SLC4A5: variants seen among roughly 807,000 people sequenced by gnomAD.
The protein encoded by SLC4A5 is electrogenic sodium bicarbonate cotransporter 4.
In SLC4A5, 96 loss-of-function variants were observed where a neutral mutation model predicts 120.4. The ratio of observed to expected loss-of-function variants is 0.80; its 90% CI spans 0.68 to 0.94. The LOEUF (loss-of-function observed/expected upper bound fraction) is 0.94. Ranked by LOEUF, SLC4A5 falls within the 40% of genes least tolerant of loss-of-function variation. The probability of loss-of-function intolerance (pLI) is 0.00; values close to 1 mark genes in which losing one functional copy is unlikely to be tolerated. For missense variants in SLC4A5, 1,259 were observed against 1,459.5 expected, an observed-to-expected ratio of 0.86 and a Z score of 2.24; for synonymous variants, 550 against 571.1, an observed-to-expected ratio of 0.96 and a Z score of 0.53.
intron 5 of SLC4A5, among the ~76,000 whole-genome samples, chr2:74,323,595 G>A (rs1673145906): frequency 6.6e-6 from 1 of 152,068 alleles, no homozygotes; most frequent in South Asian, 2.1e-4. Context: ...AAAATGAAAT[G>A]TAAAAGATTT....
In SLC4A5 at chr2:74,253,831, C is replaced by T. The variant is rs138985947; in HGVS notation, c.1114-703G>A. ...AATGAATCTTAGGCCAAAAACTGTT[C>T]GAGAATGATGTTAGCATCACTCGTA... On this transcript the variant is annotated intron_variant, in intron 14 of 30. Coordinates refer to ENST00000394019, the Ensembl canonical transcript of SLC4A5. 2.5e-4 allele frequency among the ~76,000 whole-genome samples: 38 copies of T among 151,902 alleles called. No individual in the cohort carries two copies. The South Asian group carries it at 6.0e-3, about 24-fold the overall frequency.
chr2:74,223,000 T>C (rs979268515), intron 28 of SLC4A5, 48 bp from the exon 29 acceptor site: 1 of 1,350,224 alleles, frequency 7.4e-7, no homozygotes, highest in Middle Eastern at 1.9e-4. Context: ...CACAACAATT[T>C]GGCTTTCTTT....
intron 11 of SLC4A5, among the ~76,000 whole-genome samples, chr2:74,260,406 G>T (rs1374454710): frequency 6.6e-6 from 1 of 152,040 alleles, no homozygotes; most frequent in Non-Finnish European, 1.5e-5. Context: ...CCTCTCCGCT[G>T]GTCAATCGCT....
chr2:74,330,361 G>A (rs1673324908), intron 4 of SLC4A5, among the ~76,000 whole-genome samples: 1 of 150,556 alleles, frequency 6.6e-6, no homozygotes, highest in Admixed American at 6.6e-5. Context: ...AGATGGAGAT[G>A]TGTGGTTTAG....
At chr2:74,227,908 C>T (rs1398150262) in intron 25 of SLC4A5, 30 bp from the exon 26 acceptor site, 2 of 1,564,660 alleles carry the variant, frequency 1.3e-6, no homozygotes, top group Non-Finnish European at 1.7e-6. Flanking sequence ...TTGGATCGGC[C>T]TCTGCCTGGG....
chr2:74,234,051 T>C (rs559090391), intron 22 of SLC4A5, among the ~76,000 whole-genome samples: 11 of 150,450 alleles, frequency 7.3e-5, no homozygotes, highest in African/African-American at 2.7e-4. Context: ...TAAAAAGACT[T>C]TGTCTCAAAA....
chr2:74,231,250 C>T (rs1332058961), exon 25 of SLC4A5: 3 of 1,611,156 alleles, frequency 1.9e-6, no homozygotes, highest in Admixed American at 3.3e-5. Flanking sequence ...AGGATGGGAG[C>T]CAGGAAGACA....
chr2:74,280,354 T>C (rs1671774272), intron 8 of SLC4A5, among the ~76,000 whole-genome samples: 1 of 152,160 alleles, frequency 6.6e-6, no homozygotes, highest in African/African-American at 2.4e-5. Context: ...ATGCTCTGCT[T>C]TCACAGTGCC....
At chr2:74,259,536 A>T in intron 12 of SLC4A5, 52 bp downstream of exon 12, 1 of 1,591,212 alleles carries the variant, frequency 6.3e-7, no homozygotes, top group South Asian at 1.1e-5. Flanking sequence ...GAAACCAAAG[A>T]CTTTTTCCTG....
chr2:74,317,558 C>T (rs1340738182), intron 5 of SLC4A5, among the ~76,000 whole-genome samples: 1 of 152,152 alleles, frequency 6.6e-6, no homozygotes, highest in African/African-American at 2.4e-5. Flanking sequence ...CCTCTAGGCT[C>T]TAGTCTCCTA....
chr2:74,280,302 A>G (rs893632349), intron 8 of SLC4A5, among the ~76,000 whole-genome samples: 1 of 151,942 alleles, frequency 6.6e-6, no homozygotes, highest in Non-Finnish European at 1.5e-5. Flanking sequence ...TCTTCCTCCT[A>G]GAAGCCTTCC....
chr2:74,239,682 C>T, intron 20 of SLC4A5, 147 bp from the exon 21 acceptor site: 1 of 722,270 alleles, frequency 1.4e-6, no homozygotes, highest in South Asian at 1.8e-5. Context: ...TGGGGACGGG[C>T]TGGTTCAAGG....
At chr2:74,235,277 C>T in intron 21 of SLC4A5, 63 bp from the exon 22 acceptor site, 2 of 1,269,248 alleles carry the variant, frequency 1.6e-6, no homozygotes, top group Non-Finnish European at 2.3e-6. Context: ...TCCAGGCAGC[C>T]CCAGTCCTCC....
rs1339211858 is a variant in SLC4A5 at position 74,290,619 on chromosome 2, A to AG, written c.272-4718_272-4717insC. 2.3e-5 allele frequency: 21 copies of AG among 910,772 alleles called. No homozygotes were observed. In the African/African-American group the frequency reaches 6.1e-4, roughly 26 times the overall value. The allele number at this position is 910,772 out of a possible 1,614,324, so 56.4% of individuals were successfully genotyped here. The stretch of plus-strand genomic sequence containing the variant: ...GAGAGAGACAGAGAGAGAGACAGAG[A>AG]AGTGAGAGAGAGAGAGAGAGAGAGA... On this transcript the variant is annotated intron_variant, in intron 7 of 30. Coordinates refer to ENST00000394019, the Ensembl canonical transcript of SLC4A5.
At chr2:74,289,051 G>T (rs1672076462) in intron 7 of SLC4A5, among the ~76,000 whole-genome samples, 1 of 152,076 alleles carries the variant, frequency 6.6e-6, no homozygotes, top group African/African-American at 2.4e-5. Context: ...CTCATCATCT[G>T]CTCCTATCAC....
intron 8 of SLC4A5, among the ~76,000 whole-genome samples, chr2:74,284,796 C>T (rs72818074): frequency 0.14 from 20,591 of 152,064 alleles, 2,156 homozygotes; most frequent in East Asian, 0.47. Context: ...CTTCTCCGTG[C>T]GGCTCCCCTC....
intron 9 of SLC4A5, 104 bp from the exon 10 acceptor site, chr2:74,264,403 G>T: frequency 7.3e-7 from 1 of 1,368,088 alleles, no homozygotes; most frequent in East Asian, 2.4e-5. Context: ...TGTGGCAGAG[G>T]GGGTGTGGAA....
chr2:74,272,186 GT>G (rs1382486184), intron 8 of SLC4A5, among the ~76,000 whole-genome samples: 2 of 152,208 alleles, frequency 1.3e-5, no homozygotes, highest in African/African-American at 4.8e-5. Context: ...ATGTGTGTCT[GT>G]GTGTCTGGGG....
At chr2:74,221,635 C>CA in intron 29 of SLC4A5, 134 bp from the exon 30 acceptor site, 1 of 864,384 alleles carries the variant, frequency 1.2e-6, no homozygotes, top group Admixed American at 2.2e-5. Flanking sequence ...TACGGGGCCT[C>CA]AGAGATGTGT....
Sources: allele counts gnomAD v4.1 joint callset (sites outside exome capture counted in the v4.1 genomes callset), GRCh38; gene constraint gnomAD v4.1.1; transcripts MANE v1.5; gene names NCBI Gene and HGNC (gene_info 2026-07-23, HGNC 2026-07-21).